UBD: variants seen among roughly 807,000 people sequenced by gnomAD.
UBD encodes the protein ubiquitin D.
A neutral mutation model predicts 2.3 loss-of-function variants in UBD; 1 was observed. The observed-to-expected ratio is 0.43, with a 90% confidence interval of 0.15 to 2.06. The LOEUF is 2.06. Ranked by LOEUF, UBD falls within the 30% of genes most tolerant of loss-of-function variation. The pLI is 0.29. For missense variants in UBD, 175 were observed against 199.3 expected, an observed-to-expected ratio of 0.88 and a Z score of 0.73; for synonymous variants, 75 against 76.5, an observed-to-expected ratio of 0.98 and a Z score of 0.10.
chr6:29,559,670 C>G lies in UBD; in HGVS notation c.27+5G>C, dbSNP rs1762707253. 2 of 1,613,018 alleles carry G rather than the reference C, an allele frequency of 1.2e-6. No homozygotes were observed. The highest frequency in any genetic ancestry group is 2.2e-5 in the East Asian group (1 of 44,882). ...CCCCATCCCCTTTATCAAATCCCAA[C>G]TTACACAGAGGCAGGAAGCATTGGG... is the stretch of plus-strand genomic sequence containing the variant. On this transcript the variant is annotated splice_donor_5th_base_variant and intron_variant, in intron 1 of 1. Transcript: ENST00000377050.
chr6:29,557,707 G>A (rs779790440), intron 1 of UBD: 3 of 152,182 alleles, frequency 2.0e-5, no homozygotes, highest in Non-Finnish European at 2.9e-5. Flanking sequence ...AAACTTCCCA[G>A]CCTGTCAGAA....
intron 1 of UBD, among the ~76,000 whole-genome samples, chr6:29,559,302 T>G (rs1762684783): frequency 6.6e-6 from 1 of 152,126 alleles, no homozygotes; most frequent in Non-Finnish European, 1.5e-5. Context: ...GATGAATGAG[T>G]TTTGTGAAGC....
At position 29,559,629 on chromosome 6, in the gene UBD, A is replaced by G. The variant is rs761310765; in HGVS notation, c.27+46T>C. 7 of 1,610,750 alleles carry G rather than the reference A, an allele frequency of 4.3e-6. No individual in the cohort carries two copies. The African/African-American group carries it at 9.4e-5, about 22-fold the overall frequency. On this transcript the variant is annotated intron_variant, in intron 1 of 1. Coordinates refer to ENST00000377050, the MANE Select transcript of UBD (RefSeq NM_006398.4). Reference sequence around the variant, plus strand: ...TTCTAAGATCTCTCCCCAACTCTTGAAAGTGCTTTTCCTTTCCCCATCCCC... The same window carrying G: ...TTCTAAGATCTCTCCCCAACTCTTGGAAGTGCTTTTCCTTTCCCCATCCCC...
Position 29,556,041 on chromosome 6 carries a change from C to T in UBD, c.337G>A (p.Ala113Thr), listed in dbSNP as rs771357384. 2 of 1,613,114 alleles carry T rather than the reference C, an allele frequency of 1.2e-6. No homozygotes were observed. The highest frequency in any genetic ancestry group is 1.7e-6 in the Non-Finnish European group (2 of 1,180,028). Reference protein sequence around the residue: ...LLQVRRSSSVAQVKAMIETKT... With the variant: ...LLQVRRSSSVTQVKAMIETKT... The stretch of plus-strand genomic sequence containing the variant: ...GTCTCGATCATTGCTTTCACTTGTG[C>T]CACTGAGCTGGACCTTCGCACCTGG... The change falls in exon 2 of 2, where the codon GCA becomes ACA. Residue 113 changes from alanine (A) to threonine (T), a missense_variant. By Grantham distance (58) the Ala-to-Thr change is moderately conservative. Coordinates refer to ENST00000377050, the MANE Select transcript of UBD (RefSeq NM_006398.4).
rs956707326 is a variant in UBD at position 29,557,593 on chromosome 6, C to T, written c.28-1243G>A. 4 of 152,204 alleles carry T rather than the reference C, an allele frequency of 2.6e-5. No homozygotes were observed. The East Asian group carries it at 7.7e-4, about 29-fold the overall frequency. 9.4% of individuals were successfully genotyped at this position (152,204 alleles called of 1,614,324 possible). A position where few individuals can be genotyped will look rare whatever the true frequency, so the allele number is the denominator to read the frequency against. On this transcript the variant is annotated intron_variant, in intron 1 of 1. Transcript: ENST00000377050. ...CCTCCATGAATATTCATTGCCTCTGCTATAACCTATTGGATATGTATACTT... is the reference window on the plus strand; with the variant it reads ...CCTCCATGAATATTCATTGCCTCTGTTATAACCTATTGGATATGTATACTT...
chr6:29,557,338 T>C (rs1016133602), intron 1 of UBD: 5 of 152,206 alleles, frequency 3.3e-5, no homozygotes, highest in Middle Eastern at 3.2e-3. Flanking sequence ...ACAGTTTTAA[T>C]TGGACAAAAG....
chr6:29,556,132 C>A lies in UBD; in HGVS notation c.246G>T (p.Lys82Asn). 1 of 1,613,132 alleles carries A rather than the reference C, an allele frequency of 6.2e-7. No individual in the cohort carries two copies. Among genetic ancestry groups the A allele is most frequent in the Non-Finnish European group, 8.5e-7 (1 of 1,180,036 alleles). ...KTIHLTLKVV[K>N]PSDEELPLFL... Reference sequence around the variant, plus strand: ...ACAAGGGCAGCTCCTCATCACTGGGCTTCACCACTTTCAGGGTAAGGTGGA... The same window carrying A: ...ACAAGGGCAGCTCCTCATCACTGGGATTCACCACTTTCAGGGTAAGGTGGA... The change falls in exon 2 of 2, where the codon AAG becomes AAT. Residue 82 changes from lysine (K) to asparagine (N), a missense_variant. Lys to Asn is a moderately conservative substitution (Grantham distance 94). Transcript: ENST00000377050.
Position 29,556,223 on chromosome 6 carries a change from A to G in UBD, c.155T>C (p.Leu52Pro). The G allele has an allele frequency of 6.2e-7, 1 of 1,613,122 alleles. No homozygotes were observed. The highest frequency in any genetic ancestry group is 8.5e-7 in the Non-Finnish European group (1 of 1,180,034). The change falls in exon 2 of 2, where the codon CTG becomes CCG. Residue 52 changes from leucine to proline, a missense_variant. By Grantham distance (98) the Leu-to-Pro change is moderately conservative. Coordinates refer to ENST00000377050, the MANE Select transcript of UBD (RefSeq NM_006398.4). ...CCGTGGCTTTAAGATCTTGGAGCCC[A>G]GCAAAAGAACCTGGTCCTGCACAGG... ...KVPVQDQVLL[L>P]GSKILKPRRS...
intron 1 of UBD, among the ~76,000 whole-genome samples, chr6:29,558,395 A>C (rs1418090738): frequency 6.6e-6 from 1 of 152,214 alleles, no homozygotes; most frequent in Non-Finnish European, 1.5e-5. Context: ...AGATATAGCC[A>C]ATCATCTATT....
intron 1 of UBD, among the ~76,000 whole-genome samples, chr6:29,558,679 A>G (rs1476765495): frequency 6.6e-6 from 1 of 152,158 alleles, no homozygotes; most frequent in Non-Finnish European, 1.5e-5. Context: ...TGAACCAGTG[A>G]GGCGCCCATT....
chr6:29,556,599 C>G, intron 1 of UBD: 1 of 514,480 alleles, frequency 1.9e-6, no homozygotes. Context: ...AAATAAAATC[C>G]TGAGCCCCCA....
chr6:29,556,466 T>G (rs565180608), intron 1 of UBD, 116 bp from the exon 2 acceptor site: 1 of 686,430 alleles, frequency 1.5e-6, no homozygotes, highest in East Asian at 2.7e-5. Context: ...TAGCTCCTAT[T>G]CAGTAGCCAG....
chr6:29,556,365 C>T lies in UBD; in HGVS notation c.28-15G>A. The stretch of plus-strand genomic sequence containing the variant: ...CGGACATGCACCTGGGAAGTGAAAG[C>T]CACAAGACAGTTACCTAGGATGCCT... On this transcript the variant is annotated splice_polypyrimidine_tract_variant and intron_variant, in intron 1 of 1. Transcript: ENST00000377050. 1 of 1,598,754 alleles carries T rather than the reference C, an allele frequency of 6.3e-7. No homozygotes were observed. Among genetic ancestry groups the T allele is most frequent in the Non-Finnish European group, 8.5e-7 (1 of 1,169,988 alleles).
Position 29,559,658 on chromosome 6 carries a change from A to T in UBD, c.27+17T>A. ...TGCTTTTCCTTTCCCCATCCCCTTTATCAAATCCCAACTTACACAGAGGCA... is the reference window on the plus strand; with the variant it reads ...TGCTTTTCCTTTCCCCATCCCCTTTTTCAAATCCCAACTTACACAGAGGCA... On this transcript the variant is annotated intron_variant, in intron 1 of 1. Coordinates refer to ENST00000377050, the MANE Select transcript of UBD (RefSeq NM_006398.4). 4 of 1,612,720 alleles carry T rather than the reference A, an allele frequency of 2.5e-6. No individual in the cohort carries two copies. The highest frequency in any genetic ancestry group is 3.4e-6 in the Non-Finnish European group (4 of 1,179,916).
At position 29,556,445 on chromosome 6, in the gene UBD, A is replaced by T. The variant is rs545195490; in HGVS notation, c.28-95T>A. ...AATGGCTCCCCCTCTTCCACTATCT[A>T]TCTGGTCCTCTAGCTCCTATTCAGT... On this transcript the variant is annotated intron_variant, in intron 1 of 1. Coordinates refer to ENST00000377050, the MANE Select transcript of UBD (RefSeq NM_006398.4). The T allele has an allele frequency of 6.9e-6, 6 of 863,844 alleles. No homozygotes were observed. The East Asian group carries it at 1.5e-4, about 22-fold the overall frequency. The allele number at this position is 863,844 out of a possible 1,614,324, so 53.5% of individuals were successfully genotyped here.
chr6:29,557,653 T>C (rs545504602), intron 1 of UBD: 1 of 152,354 alleles, frequency 6.6e-6, no homozygotes, highest in South Asian at 2.1e-4. Context: ...CTGTGTCACC[T>C]TTCCTCCTGC....
chr6:29,556,405 TCTA>T, intron 1 of UBD, 55 bp from the exon 2 acceptor site: 1 of 1,354,128 alleles, frequency 7.4e-7, no homozygotes, highest in Non-Finnish European at 1.0e-6. Context: ...CCTTTACACT[TCTA>T]CTCCCCACCA....
At chr6:29,559,571 C>T (rs1762700822) in intron 1 of UBD, 104 bp downstream of exon 1, 1 of 1,198,612 alleles carries the variant, frequency 8.3e-7, no homozygotes, top group Non-Finnish European at 1.2e-6. Flanking sequence ...CCTGCCCAGC[C>T]CCCCAGAGCC....
At chr6:29,556,693 A>G in intron 1 of UBD, 1 of 254,776 alleles carries the variant, frequency 3.9e-6, no homozygotes, top group East Asian at 7.9e-5. Context: ...GTGGTGGCTT[A>G]CACCTGTAAT....
Sources: allele counts gnomAD v4.1 joint callset (sites outside exome capture counted in the v4.1 genomes callset), GRCh38; gene constraint gnomAD v4.1.1; transcripts MANE v1.5; gene names NCBI Gene and HGNC (gene_info 2026-07-23, HGNC 2026-07-21).